DCC: variants seen among roughly 807,000 people sequenced by gnomAD.
DCC encodes DCC netrin 1 receptor.
DCC carries 58 observed loss-of-function variants against 172.5 expected under a neutral mutation model. The ratio of observed to expected loss-of-function variants is 0.34; its 90% CI spans 0.27 to 0.42. The LOEUF (loss-of-function observed/expected upper bound fraction) is 0.42, where lower values mean the gene tolerates loss of function less well. Among genes scored for constraint, DCC ranks in the 10% least tolerant of loss-of-function variants. The probability of loss-of-function intolerance (pLI) is 1.00; values close to 1 mark genes in which losing one functional copy is unlikely to be tolerated. For synonymous variants in DCC, 709 were observed against 644.5 expected, an observed-to-expected ratio of 1.10 and a Z score of -1.52; for missense variants, 1,740 against 1,791.0, an observed-to-expected ratio of 0.97 and a Z score of 0.51.
At chr18:52,743,640 A>G (rs2036859846) in intron 1 of DCC, among the ~76,000 whole-genome samples, 1 of 152,208 alleles carries the variant, frequency 6.6e-6, no homozygotes, top group South Asian at 2.1e-4. Context: ...TGCCTGGGGC[A>G]CACACTTCTT....
chr18:52,516,207 T>C (rs1459436612), intron 1 of DCC, among the ~76,000 whole-genome samples: 1 of 152,108 alleles, frequency 6.6e-6, no homozygotes, highest in Non-Finnish European at 1.5e-5. Flanking sequence ...AATTCAAATA[T>C]CATACAGTTC....
intron 1 of DCC, among the ~76,000 whole-genome samples, chr18:52,617,590 T>C (rs2034407236): frequency 6.7e-6 from 1 of 149,774 alleles, no homozygotes; most frequent in Non-Finnish European, 1.5e-5. Flanking sequence ...CCTATGACCA[T>C]ATCTTGGAGA....
chr18:52,980,238 A>G (rs67300728), intron 5 of DCC, among the ~76,000 whole-genome samples: 7,628 of 152,260 alleles, frequency 0.05, 326 homozygotes, highest in East Asian at 0.21. Flanking sequence ...AGCTGCCTGC[A>G]GCAGGAGGAT....
chr18:52,804,857 C>T (rs1277082265), intron 2 of DCC, among the ~76,000 whole-genome samples: 3 of 152,160 alleles, frequency 2.0e-5, no homozygotes, highest in African/African-American at 2.4e-5. Flanking sequence ...GCTGGGATTA[C>T]GGACATGACC....
chr18:52,552,217 G>C (rs967527947), intron 1 of DCC, among the ~76,000 whole-genome samples: 4 of 151,972 alleles, frequency 2.6e-5, no homozygotes, highest in Admixed American at 1.3e-4. Context: ...TTTAACATTA[G>C]GAGGAGACCC....
At chr18:52,999,047 C>A (rs540802054) in intron 5 of DCC, among the ~76,000 whole-genome samples, 1 of 152,036 alleles carries the variant, frequency 6.6e-6, no homozygotes, top group Admixed American at 6.6e-5. Flanking sequence ...GTATTTGGGG[C>A]TATGGACACA....
At chr18:53,101,829 T>TG (rs1568305787) in intron 7 of DCC, among the ~76,000 whole-genome samples, 2 of 65,764 alleles carry the variant, frequency 3.0e-5, no homozygotes, top group African/African-American at 4.5e-5. Context: ...GTGTGTGTAT[T>TG]TGTGTGTGTG....
At chr18:53,176,709 G>A (rs2055101154) in intron 8 of DCC, among the ~76,000 whole-genome samples, 2 of 151,670 alleles carry the variant, frequency 1.3e-5, no homozygotes, top group Admixed American at 6.6e-5. Context: ...GGAGAAATAG[G>A]AACACTTTTA....
At chr18:53,348,367 C>T (rs1046914180) in intron 15 of DCC, among the ~76,000 whole-genome samples, 8 of 152,188 alleles carry the variant, frequency 5.3e-5, no homozygotes, top group African/African-American at 1.7e-4. Flanking sequence ...TGATGCAAGA[C>T]GTGGGTTCCC....
chr18:53,506,152 G>T (rs1190233216), intron 27 of DCC, among the ~76,000 whole-genome samples: 2 of 152,050 alleles, frequency 1.3e-5, no homozygotes, highest in African/African-American at 2.4e-5. Flanking sequence ...TTATTCTTAG[G>T]ACCTTCATCG....
intron 19 of DCC, among the ~76,000 whole-genome samples, chr18:53,406,293 T>A (rs2145045004): frequency 6.6e-6 from 1 of 152,286 alleles, no homozygotes; most frequent in South Asian, 2.1e-4. Flanking sequence ...CTCAGTCTGA[T>A]TTGCAGAAAT....
At chr18:52,967,450 T>G (rs1273055433) in intron 5 of DCC, among the ~76,000 whole-genome samples, 1 of 152,192 alleles carries the variant, frequency 6.6e-6, no homozygotes, top group Non-Finnish European at 1.5e-5. Context: ...ATGTACTGTA[T>G]AGTTTTGACC....
rs374572248 is a variant in DCC, at chr18:52,487,917, C to T, written c.91+147039C>T. Among the ~76,000 whole-genome samples the T allele has an allele frequency of 6.5e-4, 98 of 151,198 alleles. 1 individual carries two copies. Among genetic ancestry groups the T allele is most frequent in the African/African-American group, 2.3e-3 (94 of 41,244 alleles). On this transcript the variant is annotated intron_variant, in intron 1 of 28. Transcript: ENST00000442544. ...TAGACTCTCTGATTAACAGGATAATCGGGATGAGTCTCCTTCAAGATGTTC... is the reference window on the plus strand; with the variant it reads ...TAGACTCTCTGATTAACAGGATAATTGGGATGAGTCTCCTTCAAGATGTTC...
intron 15 of DCC, among the ~76,000 whole-genome samples, chr18:53,356,964 G>A (rs1487406496): frequency 6.6e-6 from 1 of 152,114 alleles, no homozygotes; most frequent in Non-Finnish European, 1.5e-5. Flanking sequence ...TCTTCTCTTA[G>A]AAGTCGCTGA....
chr18:52,941,717 TTAA>T (rs1294431307), intron 5 of DCC, among the ~76,000 whole-genome samples: 11 of 152,194 alleles, frequency 7.2e-5, no homozygotes, highest in Non-Finnish European at 1.5e-4. Flanking sequence ...GAGACTACTA[TTAA>T]TATTTCACTG....
intron 1 of DCC, among the ~76,000 whole-genome samples, chr18:52,527,054 G>A (rs546346250): frequency 3.3e-5 from 5 of 152,242 alleles, no homozygotes; most frequent in African/African-American, 1.2e-4. Flanking sequence ...TGATGCACAG[G>A]GATGACATTA....
At chr18:52,615,670 C>T (rs2034367122) in intron 1 of DCC, among the ~76,000 whole-genome samples, 1 of 152,106 alleles carries the variant, frequency 6.6e-6, no homozygotes, top group African/African-American at 2.4e-5. Flanking sequence ...GAATAGGGCT[C>T]TTCTAATCAT....
At chr18:52,732,677 G>A (rs1420006550) in intron 1 of DCC, among the ~76,000 whole-genome samples, 1 of 152,134 alleles carries the variant, frequency 6.6e-6, no homozygotes, top group Non-Finnish European at 1.5e-5. Context: ...GTCAGAAATG[G>A]AGATTGAAGT....
intron 2 of DCC, among the ~76,000 whole-genome samples, chr18:52,783,321 CTCTTTTTTTTTTTTTTTT>C (rs2037586213): frequency 1.6e-5 from 1 of 62,122 alleles, no homozygotes; most frequent in African/African-American, 6.3e-5. Context: ...TATACTACTA[CTCTTTTTTTTTTTTTTTT>C]TTTTTTTTTT....
Sources: allele counts gnomAD v4.1 joint callset (sites outside exome capture counted in the v4.1 genomes callset), GRCh38; gene constraint gnomAD v4.1.1; transcripts MANE v1.5; gene names NCBI Gene and HGNC (gene_info 2026-07-23, HGNC 2026-07-21).